The following ANKRD18B variants were observed in gnomAD, a reference collection of about 807,000 sequenced individuals.
The protein encoded by ANKRD18B is ankyrin repeat domain 18B, also known as ankyrin repeat domain-containing protein 18B.
Under a neutral mutation model 111.8 loss-of-function variants are expected in ANKRD18B, and 75 were observed. That is an observed-to-expected ratio of 0.67 (90% CI 0.56 to 0.81). ANKRD18B has a LOEUF of 0.81. Ranked by LOEUF, ANKRD18B falls within the 40% of genes least tolerant of loss-of-function variation. ANKRD18B has a pLI of 0.00. For synonymous variants in ANKRD18B, 356 were observed against 417.3 expected, an observed-to-expected ratio of 0.85 and a Z score of 1.79; for missense variants, 1,038 against 1,225.5, an observed-to-expected ratio of 0.85 and a Z score of 2.28.
chr9:33,563,805 T>C (rs183597409), intron 14 of ANKRD18B, among the ~76,000 whole-genome samples: 15,010 of 151,920 alleles, frequency 0.099, 848 homozygotes, highest in South Asian at 0.13. Context: ...CAAAATCTTC[T>C]AGCTTTTTAA....
rs1828792866 is a variant in ANKRD18B, at chr9:33,572,338, C to G, written c.3246C>G (p.Cys1082Trp). The G allele has an allele frequency of 6.2e-7, 1 of 1,611,494 alleles. No homozygotes were observed. Among genetic ancestry groups the G allele is most frequent in the Non-Finnish European group, 8.5e-7 (1 of 1,178,614 alleles). ...TKKTFAALGP[C>W]SYLLSSLEST... ...CAGCTTTTGCTGCGTTGGGCCCTTG[C>G]TCCTATCTACTTTCTTCTCTAGAAT... is the stretch of plus-strand genomic sequence containing the variant. The change falls in exon 19 of 19, where the codon TGC (cysteine) becomes TGG (tryptophan). Residue 1082 changes from cysteine (C) to tryptophan (W), a missense_variant. Physicochemically the swap from Cys to Trp is radical, Grantham distance 215 (BLOSUM62 -2). This residue lies in a region of ANKRD18B where 524 missense variants were observed against 677.9 expected (regional missense o/e 0.77). Coordinates refer to ENST00000684830, the MANE Select transcript of ANKRD18B (RefSeq NM_001393611.1).
intron 17 of ANKRD18B, chr9:33,569,197 A>T: frequency 2.5e-5 from 5 of 201,612 alleles, no homozygotes; most frequent in East Asian, 1.3e-4. Context: ...CTAATAACTG[A>T]TGGTATACTT....
At chr9:33,549,784 C>CA (rs972232711) in intron 11 of ANKRD18B, among the ~76,000 whole-genome samples, 13 of 151,968 alleles carry the variant, frequency 8.6e-5, no homozygotes, top group Non-Finnish European at 1.8e-4. Context: ...TAAATTTTAG[C>CA]AAAAAAATAT....
chr9:33,557,083 T>C, intron 13 of ANKRD18B, among the ~76,000 whole-genome samples: 1 of 152,128 alleles, frequency 6.6e-6, no homozygotes, highest in Non-Finnish European at 1.5e-5. Flanking sequence ...AATATTTTTC[T>C]GCCATTGTCT....
intron 10 of ANKRD18B, among the ~76,000 whole-genome samples, chr9:33,544,480 G>A (rs1563902854): frequency 6.6e-6 from 1 of 152,134 alleles, no homozygotes; most frequent in Non-Finnish European, 1.5e-5. Context: ...AATGTCTCAA[G>A]AACCAGAACT....
intron 11 of ANKRD18B, among the ~76,000 whole-genome samples, chr9:33,549,792 T>C (rs960357513): frequency 6.6e-6 from 1 of 152,166 alleles, no homozygotes; most frequent in African/African-American, 2.4e-5. Context: ...AGCAAAAAAA[T>C]ATTTGATGTA....
chr9:33,530,140 G>A (rs1438026229), intron 3 of ANKRD18B, among the ~76,000 whole-genome samples: 2 of 152,124 alleles, frequency 1.3e-5, no homozygotes, highest in Non-Finnish European at 2.9e-5. Flanking sequence ...AAGGATATTG[G>A]CCATGTGGGT....
chr9:33,565,077 A>C (rs56276041), intron 14 of ANKRD18B, among the ~76,000 whole-genome samples: 13,295 of 152,216 alleles, frequency 0.087, 609 homozygotes, highest in South Asian at 0.098. Context: ...TGTCTTACCT[A>C]TACAAATCTT....
At chr9:33,566,643 G>GT (rs1391648992) in intron 15 of ANKRD18B, 143 bp downstream of exon 15, 9 of 972,988 alleles carry the variant, frequency 9.2e-6, no homozygotes, top group African/African-American at 5.2e-5. Flanking sequence ...AAAAAGTGAC[G>GT]TTTTTTCCTT....
rs573922090 is a variant in ANKRD18B, at chr9:33,548,357, T to A, written c.1569T>A (p.Val523=). The change falls in exon 11 of 19, where the codon GTT becomes GTA. Residue 523 remains valine, a synonymous_variant. Transcript: ENST00000684830. ...TAGTTTTATGGAGAGCAGATGATGT[T>A]TCTAGACATGAAACAATGGGTTCTA... ...LELVLWRADD[V]SRHETMGSNI... is the part of the protein sequence containing the mutation. 1.3e-4 allele frequency: 206 copies of A among 1,549,926 alleles called. 1 individual carries two copies. The highest frequency in any genetic ancestry group is 1.6e-4 in the Non-Finnish European group (188 of 1,146,242).
chr9:33,569,898 G>T (rs1276567447), intron 17 of ANKRD18B, among the ~76,000 whole-genome samples: 1 of 152,134 alleles, frequency 6.6e-6, no homozygotes, highest in African/African-American at 2.4e-5. Flanking sequence ...GCCAGGTGTT[G>T]TGGCAGGCAC....
At position 33,548,771 on chromosome 9, in the gene ANKRD18B, A is replaced by C; in HGVS notation, c.1983A>C (p.Glu661Asp). The change falls in exon 11 of 19, where the codon GAA becomes GAC. Residue 661 changes from glutamate to aspartate, a missense_variant. This residue lies in a region of ANKRD18B where 524 missense variants were observed against 677.9 expected (regional missense o/e 0.77). Coordinates refer to ENST00000684830, the MANE Select transcript of ANKRD18B (RefSeq NM_001393611.1). Reference protein sequence around the residue: ...CLENGKEDLLEERNKELMNEY... With the variant: ...CLENGKEDLLDERNKELMNEY... ...AGAATGGAAAGGAAGATCTTCTAGA[A>C]GAAAGAAATAAGGAATTAATGAATG... The C allele has an allele frequency of 5.8e-6, 9 of 1,548,970 alleles. No individual in the cohort carries two copies. The highest frequency in any genetic ancestry group is 7.9e-6 in the Non-Finnish European group (9 of 1,145,894).
At chr9:33,535,596 A>G (rs2118004400) in intron 5 of ANKRD18B, among the ~76,000 whole-genome samples, 1 of 150,916 alleles carries the variant, frequency 6.6e-6, no homozygotes, top group Admixed American at 6.6e-5. Context: ...CCACAGCTAC[A>G]GTGTTTCCAT....
chr9:33,553,561 T>G (rs1828478066), intron 12 of ANKRD18B, among the ~76,000 whole-genome samples: 1 of 152,104 alleles, frequency 6.6e-6, no homozygotes, highest in African/African-American at 2.4e-5. Flanking sequence ...CTACCTGGAT[T>G]AAGACATTTG....
chr9:33,554,685 A>C (rs2118086682), intron 12 of ANKRD18B, among the ~76,000 whole-genome samples: 1 of 152,232 alleles, frequency 6.6e-6, no homozygotes, highest in South Asian at 2.1e-4. Context: ...CAGAATCAGG[A>C]GGACCAGAGA....
chr9:33,558,939 A>G (rs900122154), intron 14 of ANKRD18B, among the ~76,000 whole-genome samples: 8 of 152,146 alleles, frequency 5.3e-5, no homozygotes, highest in African/African-American at 1.9e-4. Context: ...ATCATAAATC[A>G]ATATGAGGAA....
intron 1 of ANKRD18B, among the ~76,000 whole-genome samples, chr9:33,527,799 G>A (rs1307275361): frequency 2.0e-5 from 3 of 152,080 alleles, no homozygotes; most frequent in Admixed American, 6.5e-5. Flanking sequence ...AAGGCCTCAT[G>A]GATTGTGTGA....
At chr9:33,570,897 A>G (rs1333670652) in intron 17 of ANKRD18B, among the ~76,000 whole-genome samples, 4 of 152,106 alleles carry the variant, frequency 2.6e-5, no homozygotes, top group African/African-American at 9.7e-5. Context: ...TTGCCTCCCA[A>G]AGTGCTGGGA....
In ANKRD18B at chr9:33,568,536, C is replaced by T. The variant is rs1828720153; in HGVS notation, c.2955-135C>T. 4.2e-6 allele frequency: 3 copies of T among 706,468 alleles called. No individual in the cohort carries two copies. The East Asian group carries it at 8.4e-5, about 20-fold the overall frequency. The allele number at this position is 706,468 out of a possible 1,614,324, so 43.8% of individuals were successfully genotyped here. On this transcript the variant is annotated intron_variant, in intron 16 of 18. Coordinates refer to ENST00000684830, the MANE Select transcript of ANKRD18B (RefSeq NM_001393611.1). Reference sequence around the variant, plus strand: ...GTTACTTACAAGAGGTATGCTCTCACACATCTTCGTGTGAAAACACTGTTT... The same window carrying T: ...GTTACTTACAAGAGGTATGCTCTCATACATCTTCGTGTGAAAACACTGTTT...
Sources: allele counts gnomAD v4.1 joint callset (sites outside exome capture counted in the v4.1 genomes callset), GRCh38; gene constraint gnomAD v4.1.1; regional missense constraint gnomAD v4.1.1; transcripts MANE v1.5; gene names NCBI Gene and HGNC (gene_info 2026-07-23, HGNC 2026-07-21).